TMEM132D: variants seen among roughly 807,000 people sequenced by gnomAD.
TMEM132D encodes the protein transmembrane protein 132D.
TMEM132D carries 21 observed loss-of-function variants against 62.3 expected under a neutral mutation model. That is an observed-to-expected ratio of 0.34 (90% CI 0.24 to 0.49). The LOEUF (loss-of-function observed/expected upper bound fraction) is 0.49. TMEM132D is among the 20% of genes least tolerant of loss of function. The pLI is 0.99. For missense variants in TMEM132D, 1,346 were observed against 1,402.8 expected (o/e 0.96, Z 0.65); for synonymous variants, 621 against 575.6 (o/e 1.08, Z -1.13).
chr12:129,763,445 T>TTTC (rs1555230265), intron 1 of TMEM132D, among the ~76,000 whole-genome samples: 7 of 151,326 alleles, frequency 4.6e-5, no homozygotes, highest in Non-Finnish European at 7.4e-5. Context: ...TTTTTTTTTT[T>TTTC]CTGAAATAGT....
At chr12:129,115,055 C>T (rs1029246961) in intron 5 of TMEM132D, among the ~76,000 whole-genome samples, 4 of 152,154 alleles carry the variant, frequency 2.6e-5, no homozygotes, top group Admixed American at 1.3e-4. Flanking sequence ...TGGAAAGGGT[C>T]ACAGAGCTCG....
rs1360263929 is a variant in TMEM132D at position 129,647,182 on chromosome 12, T to G, written c.968+52628A>C. On this transcript the variant is annotated intron_variant, in intron 2 of 8. Coordinates refer to ENST00000422113, the MANE Select transcript of TMEM132D (RefSeq NM_133448.3). ...AGTATTATTTTGCATGTTTTTCAAA[T>G]TGTTATATTGTCATAACATATTTCT... is the stretch of plus-strand genomic sequence containing the variant. Among the ~76,000 whole-genome samples the G allele has an allele frequency of 5.9e-5, 9 of 151,906 alleles. No homozygotes were observed. The East Asian group carries it at 1.7e-3, about 29-fold the overall frequency.
intron 3 of TMEM132D, among the ~76,000 whole-genome samples, chr12:129,429,400 G>A (rs1421440661): frequency 6.6e-6 from 1 of 150,966 alleles, no homozygotes; most frequent in African/African-American, 2.5e-5. Context: ...TGTCATTGGT[G>A]TTGAAGAAAC....
intron 5 of TMEM132D, among the ~76,000 whole-genome samples, chr12:129,204,238 C>A (rs988009402): frequency 2.0e-5 from 3 of 152,158 alleles, no homozygotes; most frequent in Non-Finnish European, 4.4e-5. Flanking sequence ...ACAAAGATCA[C>A]AGAGATTCAA....
At chr12:129,276,941 G>A (rs1225931082) in intron 4 of TMEM132D, among the ~76,000 whole-genome samples, 2 of 152,162 alleles carry the variant, frequency 1.3e-5, no homozygotes, top group Non-Finnish European at 2.9e-5. Flanking sequence ...CAATGTGTCC[G>A]CACCAGGTGC....
chr12:129,621,737 C>T (rs1205914689), intron 2 of TMEM132D, among the ~76,000 whole-genome samples: 2 of 152,176 alleles, frequency 1.3e-5, no homozygotes, highest in African/African-American at 4.8e-5. Context: ...TAGGTACTAT[C>T]ACTATCTCCA....
chr12:129,407,325 A>T (rs1871821906), intron 3 of TMEM132D, among the ~76,000 whole-genome samples: 1 of 151,966 alleles, frequency 6.6e-6, no homozygotes, highest in Non-Finnish European at 1.5e-5. Flanking sequence ...CACTTGTAAC[A>T]CTCTTTGTCA....
intron 2 of TMEM132D, among the ~76,000 whole-genome samples, chr12:129,644,822 CA>C (rs56371039): frequency 2.3e-3 from 292 of 126,866 alleles, no homozygotes; most frequent in Middle Eastern, 8.1e-3. Flanking sequence ...ACTAAAAATA[CA>C]AAAAAAAAAA....
chr12:129,219,727 T>G (rs979876367), intron 4 of TMEM132D, among the ~76,000 whole-genome samples: 1 of 152,224 alleles, frequency 6.6e-6, no homozygotes, highest in African/African-American at 2.4e-5. Flanking sequence ...TTATAAACCT[T>G]GGAGAGGCTG....
chr12:129,561,081 G>A (rs1191574679), intron 2 of TMEM132D, among the ~76,000 whole-genome samples: 1 of 152,160 alleles, frequency 6.6e-6, no homozygotes, highest in Non-Finnish European at 1.5e-5. Flanking sequence ...GGAAGGAAAA[G>A]TTAAAGGTGC....
chr12:129,801,189 A>G (rs1368145870), intron 1 of TMEM132D, among the ~76,000 whole-genome samples: 1 of 152,214 alleles, frequency 6.6e-6, no homozygotes, highest in Non-Finnish European at 1.5e-5. Context: ...GCAGCCGGGA[A>G]GCTCCAACTG....
At chr12:129,773,257 G>T (rs1248719606) in intron 1 of TMEM132D, among the ~76,000 whole-genome samples, 1 of 152,220 alleles carries the variant, frequency 6.6e-6, no homozygotes, top group Non-Finnish European at 1.5e-5. Flanking sequence ...AGGTGCGAGG[G>T]CGGCGGCAGT....
chr12:129,574,787 G>T (rs569060151), intron 2 of TMEM132D, among the ~76,000 whole-genome samples: 1 of 151,838 alleles, frequency 6.6e-6, no homozygotes, highest in African/African-American at 2.4e-5. Flanking sequence ...GGTTTGCTGC[G>T]CCCCTCAGTG....
At chr12:129,546,367 G>C (rs80040781) in intron 2 of TMEM132D, among the ~76,000 whole-genome samples, 1 of 152,070 alleles carries the variant, frequency 6.6e-6, no homozygotes, top group Non-Finnish European at 1.5e-5. Flanking sequence ...ACATGTCTGC[G>C]TGTGTATATT....
intron 4 of TMEM132D, among the ~76,000 whole-genome samples, chr12:129,269,475 G>T (rs1880794040): frequency 6.6e-6 from 1 of 151,762 alleles, no homozygotes; most frequent in Non-Finnish European, 1.5e-5. Context: ...ACTTTTGCTA[G>T]CCCTGTCTCA....
intron 1 of TMEM132D, among the ~76,000 whole-genome samples, chr12:129,708,602 G>A (rs1881559034): frequency 9.9e-6 from 1 of 101,334 alleles, no homozygotes; most frequent in African/African-American, 4.3e-5. Flanking sequence ...TCCAAGTAGA[G>A]GCTCAGGTAA....
chr12:129,564,078 A>G (rs574299475), intron 2 of TMEM132D, among the ~76,000 whole-genome samples: 1 of 152,046 alleles, frequency 6.6e-6, no homozygotes, highest in African/African-American at 2.4e-5. Flanking sequence ...TTCATTAATT[A>G]GTCCCAAAGT....
At chr12:129,092,271 G>GTTAA (rs1874947597) in intron 5 of TMEM132D, among the ~76,000 whole-genome samples, 2 of 142,236 alleles carry the variant, frequency 1.4e-5, no homozygotes, top group African/African-American at 5.2e-5. Context: ...AACATTCTTG[G>GTTAA]TTAAATTTAT....
intron 5 of TMEM132D, among the ~76,000 whole-genome samples, chr12:129,152,842 C>T (rs1268124619): frequency 5.9e-5 from 9 of 152,172 alleles, no homozygotes; most frequent in African/African-American, 2.2e-4. Context: ...AACTGGTGTC[C>T]TGGTAGTTTC....
Sources: gnomAD v4.1 joint callset for allele counts (sites outside exome capture counted in the v4.1 genomes callset) on GRCh38, gnomAD v4.1.1 for gene constraint, MANE v1.5 for transcripts, NCBI Gene and HGNC (gene_info 2026-07-23, HGNC 2026-07-21) for gene names.